Variants in CTNNA2 observed in about 807,000 individuals in gnomAD.
CTNNA2 encodes catenin alpha-2.
CTNNA2 carries 42 observed loss-of-function variants against 101.0 expected under a neutral mutation model. That is an observed-to-expected ratio of 0.42 (90% CI 0.32 to 0.54). The LOEUF is 0.54. Ranked by LOEUF, CTNNA2 falls within the 20% of genes least tolerant of loss-of-function variation. The probability of loss-of-function intolerance (pLI) is 0.14; values close to 1 mark genes in which losing one functional copy is unlikely to be tolerated. For missense variants in CTNNA2, 871 were observed against 1,223.1 expected (o/e 0.71, Z 4.29); for synonymous variants, 450 against 456.4 (o/e 0.99, Z 0.18).
At chr2:79,538,356 T>C (rs10185884) in intron 1 of CTNNA2, among the ~76,000 whole-genome samples, 68,575 of 152,030 alleles carry the variant, frequency 0.45, 15,828 homozygotes, top group Non-Finnish European at 0.5. Context: ...ATGATTTTTT[T>C]CTCTAATCCT....
At chr2:79,332,864 T>G (rs1432226440) in intron 3 of CTNNA2, among the ~76,000 whole-genome samples, 1 of 152,180 alleles carries the variant, frequency 6.6e-6, no homozygotes, top group East Asian at 1.9e-4. Context: ...AAAGCATTTC[T>G]ACAGCTCAAG....
chr2:79,469,208 T>C (rs1188665016), intron 4 of CTNNA2, among the ~76,000 whole-genome samples: 1 of 152,078 alleles, frequency 6.6e-6, no homozygotes, highest in Non-Finnish European at 1.5e-5. Flanking sequence ...TCACCTCTGA[T>C]CCCACAGAAA....
At chr2:80,369,598 C>T (rs573292335) in intron 7 of CTNNA2, among the ~76,000 whole-genome samples, 83 of 152,030 alleles carry the variant, frequency 5.5e-4, no homozygotes, top group Non-Finnish European at 1.0e-3. Flanking sequence ...GTCCTGGAAC[C>T]CATGAATATG....
At chr2:79,212,273 A>G (rs1367758456) in intron 2 of CTNNA2, among the ~76,000 whole-genome samples, 1 of 152,162 alleles carries the variant, frequency 6.6e-6, no homozygotes, top group Non-Finnish European at 1.5e-5. Context: ...GAATAGGAGT[A>G]TGACTAGACA....
At chr2:79,722,703 G>A (rs1686569451) in intron 2 of CTNNA2, among the ~76,000 whole-genome samples, 1 of 152,116 alleles carries the variant, frequency 6.6e-6, no homozygotes, top group South Asian at 2.1e-4. Context: ...CCACTAGACG[G>A]AATTGCTACA....
At chr2:80,570,256 C>G (rs1694464356) in intron 12 of CTNNA2, among the ~76,000 whole-genome samples, 3 of 152,088 alleles carry the variant, frequency 2.0e-5, no homozygotes, top group South Asian at 4.1e-4. Context: ...ACCATGTTGC[C>G]CAGGCTATTC....
Position 80,303,766 on chromosome 2 carries a change from C to G in CTNNA2, c.1057-89445C>G. On this transcript the variant is annotated intron_variant, in intron 7 of 18. Coordinates refer to ENST00000402739, the MANE Select transcript of CTNNA2 (RefSeq NM_001282597.3). This position sits in a 1 kb window ranked among gnomAD's most constrained non-coding sequence, Gnocchi z 7.7. ...CCCCCAGCAGACACAAGACCACCCC[C>G]GAGGGCCTCCTCAGCAGCCAGTATA... 1 of 1,570,188 alleles carries G rather than the reference C, an allele frequency of 6.4e-7. No homozygotes were observed. The highest frequency in any genetic ancestry group is 2.2e-5 in the East Asian group (1 of 44,454).
chr2:79,915,934 G>T (rs983673210), intron 7 of CTNNA2, among the ~76,000 whole-genome samples: 1 of 152,186 alleles, frequency 6.6e-6, no homozygotes, highest in Non-Finnish European at 1.5e-5. Flanking sequence ...TCATCAGAAA[G>T]ATAACTTTGC....
At chr2:79,622,118 A>G (rs1176389108) in intron 1 of CTNNA2, among the ~76,000 whole-genome samples, 1 of 152,212 alleles carries the variant, frequency 6.6e-6, no homozygotes, top group African/African-American at 2.4e-5. Context: ...TTAAAACAAC[A>G]AACAAAAATG....
chr2:80,526,984 A>G (rs1262931557), intron 9 of CTNNA2, among the ~76,000 whole-genome samples: 2 of 152,240 alleles, frequency 1.3e-5, no homozygotes, highest in South Asian at 2.1e-4. Context: ...TCATTGTACA[A>G]ATTGTCTATG....
chr2:79,704,510 CTTT>C (rs780311540), intron 2 of CTNNA2, among the ~76,000 whole-genome samples: 3 of 127,564 alleles, frequency 2.4e-5, no homozygotes, highest in Non-Finnish European at 1.6e-5. Context: ...ACTTGTGCTT[CTTT>C]TTTTTTTTTT....
chr2:80,008,377 A>G (rs1472805673), intron 7 of CTNNA2, among the ~76,000 whole-genome samples: 1 of 152,216 alleles, frequency 6.6e-6, no homozygotes, highest in African/African-American at 2.4e-5. Context: ...TAGCTTTTGC[A>G]TGAACCAGCT....
chr2:80,178,803 G>A (rs925008851), intron 7 of CTNNA2, among the ~76,000 whole-genome samples: 1 of 152,168 alleles, frequency 6.6e-6, no homozygotes, highest in African/African-American at 2.4e-5. Flanking sequence ...GGAATATCTT[G>A]ATAGGCCCCA....
At chr2:79,670,844 A>G (rs1467606733) in intron 2 of CTNNA2, among the ~76,000 whole-genome samples, 1 of 152,050 alleles carries the variant, frequency 6.6e-6, no homozygotes, top group African/African-American at 2.4e-5. Flanking sequence ...CGATTTCAAG[A>G]TATTTCATTT....
intron 14 of CTNNA2, among the ~76,000 whole-genome samples, chr2:80,583,506 C>T (rs538188549): frequency 3.2e-4 from 49 of 152,304 alleles, no homozygotes; most frequent in African/African-American, 1.1e-3. Context: ...ATTGTTATGT[C>T]ACTGACAAAG....
At chr2:80,355,754 T>C (rs1373324537) in intron 7 of CTNNA2, among the ~76,000 whole-genome samples, 1 of 152,138 alleles carries the variant, frequency 6.6e-6, no homozygotes, top group Non-Finnish European at 1.5e-5. Context: ...ACTTTTTCTT[T>C]CTTTCTTTTT....
rs535388043 is a variant in CTNNA2, at chr2:80,492,136, G to A, written c.1291-52846G>A. Among the ~76,000 whole-genome samples the A allele has an allele frequency of 2.6e-5, 4 of 152,246 alleles. No individual in the cohort carries two copies. In the East Asian group the frequency reaches 7.7e-4, roughly 29 times the overall value. On this transcript the variant is annotated intron_variant, in intron 9 of 18. Transcript: ENST00000402739. ...CTGGTAGGAGGTGATTGGATCATGGGGGTGGATTTCACCCTTGCTGTTCTT... is the reference window on the plus strand; with the variant it reads ...CTGGTAGGAGGTGATTGGATCATGGAGGTGGATTTCACCCTTGCTGTTCTT...
At chr2:79,639,059 A>C (rs1680271485) in intron 1 of CTNNA2, among the ~76,000 whole-genome samples, 2 of 152,140 alleles carry the variant, frequency 1.3e-5, no homozygotes, top group African/African-American at 2.4e-5. Context: ...TGGCTCCATC[A>C]AGGCATTCAA....
intron 2 of CTNNA2, among the ~76,000 whole-genome samples, chr2:79,673,600 A>C (rs1558825300): frequency 6.6e-6 from 1 of 152,128 alleles, no homozygotes; most frequent in African/African-American, 2.4e-5. Flanking sequence ...CTCTTTCAGC[A>C]TTTTTTGGCA....
Sources: allele counts gnomAD v4.1 joint callset (sites outside exome capture counted in the v4.1 genomes callset), GRCh38; gene constraint gnomAD v4.1.1; non-coding constraint Gnocchi (gnomAD v3.1); transcripts MANE v1.5; gene names NCBI Gene and HGNC (gene_info 2026-07-23, HGNC 2026-07-21).